CALN1: variants seen among roughly 807,000 people sequenced by gnomAD.
CALN1 encodes calneuron 1.
In CALN1, 17 loss-of-function variants were observed where a neutral mutation model predicts 30.6. That is an observed-to-expected ratio of 0.56 (90% CI 0.38 to 0.83). The LOEUF (loss-of-function observed/expected upper bound fraction) is 0.83. CALN1 is among the 40% of genes least tolerant of loss of function. The pLI is 0.00. For synonymous variants in CALN1, 156 were observed against 131.4 expected, an observed-to-expected ratio of 1.19 and a Z score of -1.28; for missense variants, 291 against 354.9, an observed-to-expected ratio of 0.82 and a Z score of 1.45.
intron 6 of CALN1, among the ~76,000 whole-genome samples, chr7:71,808,839 C>G (rs1034986359): frequency 1.3e-5 from 2 of 152,110 alleles, no homozygotes; most frequent in African/African-American, 4.8e-5. Context: ...CTGTCAGCCC[C>G]GAGCGAGATG....
chr7:72,350,832 A>C (rs1427115868), intron 2 of CALN1, among the ~76,000 whole-genome samples: 2 of 152,154 alleles, frequency 1.3e-5, no homozygotes, highest in Non-Finnish European at 2.9e-5. Flanking sequence ...CTAATCAGCA[A>C]AAATATCCTC....
At chr7:71,988,441 G>A (rs1054250963) in intron 5 of CALN1, among the ~76,000 whole-genome samples, 5 of 152,090 alleles carry the variant, frequency 3.3e-5, no homozygotes, top group African/African-American at 4.8e-5. Context: ...AGGCATAGCC[G>A]GTGCCCCAAG....
intron 5 of CALN1, among the ~76,000 whole-genome samples, chr7:71,985,449 G>T (rs1231056095): frequency 1.3e-5 from 2 of 152,018 alleles, no homozygotes. Context: ...TTGAAGACCA[G>T]CCTGGACAAC....
intron 5 of CALN1, among the ~76,000 whole-genome samples, chr7:71,882,967 C>A (rs938702640): frequency 4.6e-5 from 7 of 151,964 alleles, no homozygotes; most frequent in African/African-American, 1.5e-4. Context: ...CCTCCACCTC[C>A]ACCTCCAAAG....
chr7:71,883,611 C>T (rs1034862337), intron 5 of CALN1, among the ~76,000 whole-genome samples: 7 of 152,166 alleles, frequency 4.6e-5, no homozygotes, highest in African/African-American at 1.2e-4. Flanking sequence ...TACTGACTCA[C>T]GGTTAACCCT....
At chr7:72,121,905 A>T (rs943783690) in intron 3 of CALN1, among the ~76,000 whole-genome samples, 1 of 147,404 alleles carries the variant, frequency 6.8e-6, no homozygotes, top group African/African-American at 2.5e-5. Flanking sequence ...TATATTTTAT[A>T]TATAAATATA....
chr7:72,061,053 A>G (rs1185682659), intron 4 of CALN1, among the ~76,000 whole-genome samples: 1 of 152,232 alleles, frequency 6.6e-6, no homozygotes, highest in Non-Finnish European at 1.5e-5. Flanking sequence ...AGATCTGAAT[A>G]GTGTTGCAAA....
chr7:72,274,276 G>C (rs542857980), intron 3 of CALN1, among the ~76,000 whole-genome samples: 1 of 152,294 alleles, frequency 6.6e-6, no homozygotes, highest in East Asian at 1.9e-4. Flanking sequence ...GGGAGGCCAA[G>C]GTGGGTAGAT....
chr7:71,914,186 T>C (rs1387415748), intron 5 of CALN1, among the ~76,000 whole-genome samples: 1 of 152,212 alleles, frequency 6.6e-6, no homozygotes, highest in African/African-American at 2.4e-5. Flanking sequence ...TTATTTTTCC[T>C]GATCCTCTCC....
At chr7:72,014,085 C>CTTT (rs71092941) in intron 5 of CALN1, among the ~76,000 whole-genome samples, 28 of 123,396 alleles carry the variant, frequency 2.3e-4, no homozygotes, top group African/African-American at 7.5e-4. Context: ...TGAGTTGGCT[C>CTTT]TTTTTTTTTT....
chr7:72,325,886 T>C (rs548338999), intron 2 of CALN1, among the ~76,000 whole-genome samples: 3 of 151,960 alleles, frequency 2.0e-5, no homozygotes, highest in South Asian at 2.1e-4. Flanking sequence ...GGGCAAAAAA[T>C]GTGATTTAAC....
chr7:72,389,875 C>T (rs755719606), intron 2 of CALN1, among the ~76,000 whole-genome samples: 8 of 150,734 alleles, frequency 5.3e-5, no homozygotes, highest in Non-Finnish European at 8.8e-5. Context: ...GCCAAGATCA[C>T]GCCATTGCAG....
chr7:72,355,221 C>T (rs555208596), intron 2 of CALN1, among the ~76,000 whole-genome samples: 2 of 152,252 alleles, frequency 1.3e-5, no homozygotes, highest in Admixed American at 1.3e-4. Flanking sequence ...AACTGCTTAA[C>T]GAGGATACAA....
Position 71,832,552 on chromosome 7 carries a change from T to A in CALN1, c.502-22060A>T, listed in dbSNP as rs960334543. Among the ~76,000 whole-genome samples the A allele has an allele frequency of 9.1e-4, 139 of 152,156 alleles. 12 individuals are homozygous for A. On this transcript the variant is annotated intron_variant, in intron 5 of 6. Coordinates refer to ENST00000395275, the MANE Select transcript of CALN1 (RefSeq NM_031468.4). ...TGACTGCTGAAAACCCTTCAATGAC[T>A]CTTAGTTCCTTCATCATTGAGTCCA...
chr7:72,202,223 A>T (rs757847605), intron 3 of CALN1, among the ~76,000 whole-genome samples: 98 of 152,220 alleles, frequency 6.4e-4, no homozygotes, highest in Non-Finnish European at 6.5e-4. Context: ...AGGAAAATCA[A>T]ATCAGTGATA....
intron 3 of CALN1, among the ~76,000 whole-genome samples, chr7:72,107,396 A>G (rs772325460): frequency 2.0e-5 from 3 of 152,244 alleles, no homozygotes; most frequent in Non-Finnish European, 4.4e-5. Context: ...TCAGATCAAT[A>G]AGAGCATCGT....
chr7:72,365,860 G>A (rs1306269574), intron 2 of CALN1, among the ~76,000 whole-genome samples: 2 of 152,142 alleles, frequency 1.3e-5, no homozygotes, highest in Admixed American at 6.6e-5. Flanking sequence ...ATATGAAAAC[G>A]TACCCTCTCG....
chr7:72,149,981 G>A (rs1787097926), intron 3 of CALN1, among the ~76,000 whole-genome samples: 1 of 151,964 alleles, frequency 6.6e-6, no homozygotes, highest in Non-Finnish European at 1.5e-5. Flanking sequence ...AAATTAGCCA[G>A]GCATGGTGGC....
intron 4 of CALN1, among the ~76,000 whole-genome samples, chr7:72,101,701 T>C (rs1806679794): frequency 6.6e-6 from 1 of 152,196 alleles, no homozygotes; most frequent in Admixed American, 6.5e-5. Flanking sequence ...AACCACGCTC[T>C]TGCAACTGGC....
Sources: allele counts gnomAD v4.1 joint callset (sites outside exome capture counted in the v4.1 genomes callset), GRCh38; gene constraint gnomAD v4.1.1; transcripts MANE v1.5; gene names NCBI Gene and HGNC (gene_info 2026-07-23, HGNC 2026-07-21).